Variants in ZNF736 observed in about 807,000 individuals in gnomAD.
ZNF736 encodes the protein KRAB-containing zinc-finger repressor protein.
Under a neutral mutation model 11.7 loss-of-function variants are expected in ZNF736, and 6 were observed. The ratio of observed to expected loss-of-function variants is 0.51; its 90% CI spans 0.28 to 1.01. The LOEUF (loss-of-function observed/expected upper bound fraction) is 1.01, where lower values mean the gene tolerates loss of function less well. ZNF736 is among the 50% of genes least tolerant of loss of function. The pLI, the probability that ZNF736 is intolerant of heterozygous loss-of-function variation, is 0.09. For synonymous variants in ZNF736, 139 were observed against 164.7 expected (o/e 0.84, Z 1.19); for missense variants, 444 against 496.0 (o/e 0.90, Z 1.00).
intron 1 of ZNF736, among the ~76,000 whole-genome samples, chr7:64,331,443 G>C (rs1275362000): frequency 2.0e-5 from 3 of 152,194 alleles, no homozygotes; most frequent in Non-Finnish European, 2.9e-5. Flanking sequence ...GAGGAGGGCT[G>C]CTGTTGGCAA....
intron 3 of ZNF736, among the ~76,000 whole-genome samples, chr7:64,344,321 A>G (rs1302388755): frequency 6.6e-6 from 1 of 152,226 alleles, no homozygotes; most frequent in African/African-American, 2.4e-5. Context: ...AAATTAAAAA[A>G]TGTATACTCT....
At chr7:64,342,138 A>G (rs1404678) in intron 3 of ZNF736, among the ~76,000 whole-genome samples, 46,971 of 152,032 alleles carry the variant, frequency 0.31, 7,415 homozygotes, top group African/African-American at 0.34. Context: ...CTGCTCTTCT[A>G]TTGCTTTGAG....
intron 1 of ZNF736, among the ~76,000 whole-genome samples, chr7:64,324,861 T>G (rs1789061791): frequency 6.6e-6 from 1 of 152,250 alleles, no homozygotes; most frequent in Non-Finnish European, 1.5e-5. Flanking sequence ...AAATTTAAGC[T>G]GTTTGATACT....
chr7:64,322,967 G>C (rs1440371570), intron 1 of ZNF736, among the ~76,000 whole-genome samples: 2 of 152,068 alleles, frequency 1.3e-5, no homozygotes, highest in Non-Finnish European at 2.9e-5. Flanking sequence ...TTCTTAGTAA[G>C]GCCTTTCTAG....
At chr7:64,339,392 T>A (rs1312412920) in intron 3 of ZNF736, among the ~76,000 whole-genome samples, 1 of 152,204 alleles carries the variant, frequency 6.6e-6, no homozygotes, top group Non-Finnish European at 1.5e-5. Flanking sequence ...TCATATGTTT[T>A]CTTTTAAGAT....
rs148219390 is a variant in ZNF736 at position 64,343,242 on chromosome 7, T to C, written c.227-4848T>C. On this transcript the variant is annotated intron_variant, in intron 3 of 3. Transcript: ENST00000423484. ...TGAAATACTACACAGCCAAAAAAAA[T>C]TGTGTTCTTTGTAGCAACACTGATG... 6.0e-4 allele frequency among the ~76,000 whole-genome samples: 91 copies of C among 152,274 alleles called. 1 individual carries two copies. In the East Asian group the frequency reaches 0.015, roughly 26 times the overall value.
At chr7:64,332,924 G>A (rs1387490326) in intron 1 of ZNF736, among the ~76,000 whole-genome samples, 2 of 152,062 alleles carry the variant, frequency 1.3e-5, no homozygotes, top group African/African-American at 4.8e-5. Context: ...AAAAATCACT[G>A]TTATTCTGTT....
chr7:64,346,090 A>G (rs1418096402), intron 3 of ZNF736, among the ~76,000 whole-genome samples: 1 of 152,022 alleles, frequency 6.6e-6, no homozygotes, highest in East Asian at 1.9e-4. Flanking sequence ...ATTGCTGTCT[A>G]TTTTTGCTTC....
Position 64,349,493 on chromosome 7 carries a change from A to G in ZNF736, c.*346A>G, listed in dbSNP as rs996539821. 2 of 182,910 alleles carry G rather than the reference A, an allele frequency of 1.1e-5. No homozygotes were observed. The highest frequency in any genetic ancestry group is 2.3e-3 in the Middle Eastern group (1 of 426). 11.3% of individuals were successfully genotyped at this position (182,910 alleles called of 1,614,324 possible). A position where few individuals can be genotyped will look rare whatever the true frequency, so the allele number is the denominator to read the frequency against. ...GAGATGGGTGTCTTGATTAAAGCAT[A>G]CCATTAGATCTTGATTCTTTTTTCA... On this transcript the variant is annotated 3_prime_UTR_variant, in exon 4 of 4. Transcript: ENST00000423484.
Position 64,355,145 on chromosome 7 carries a change from T to C in ZNF736, c.*5998T>C, listed in dbSNP as rs936279658. 6.4e-6 allele frequency: 1 copy of C among 157,092 alleles called. No homozygotes were observed. Among genetic ancestry groups the C allele is most frequent in the African/African-American group, 2.4e-5 (1 of 41,462 alleles). The allele number at this position is 157,092 out of a possible 1,614,324, so 9.7% of individuals were successfully genotyped here. A position where few individuals can be genotyped will look rare whatever the true frequency, so the allele number is the denominator to read the frequency against. ...AAAACTAAGTGAAAACCTTGTAAAA[T>C]TTTCAGATTATGTTTCTACATTTAA... On this transcript the variant is annotated 3_prime_UTR_variant, in exon 4 of 4. Transcript: ENST00000423484.
intron 3 of ZNF736, among the ~76,000 whole-genome samples, chr7:64,347,037 T>A (rs676535): frequency 0.98 from 146,831 of 150,552 alleles, 71,679 homozygotes; most frequent in Non-Finnish European, 1. Flanking sequence ...GATGTTTTGT[T>A]TATGTTGTAA....
intron 3 of ZNF736, among the ~76,000 whole-genome samples, chr7:64,342,201 T>C (rs1789346507): frequency 6.6e-6 from 1 of 152,112 alleles, no homozygotes; most frequent in African/African-American, 2.4e-5. Flanking sequence ...AATCTGTGCA[T>C]TATGTTAGAG....
rs12333410 is a variant in ZNF736 at position 64,329,309 on chromosome 7, A to G, written c.4-6950A>G. ...TCCTGAATAGTCTTAATTTTTGTGA[A>G]TGTTCATTGAAGTCTGGGCATTAAT... On this transcript the variant is annotated intron_variant, in intron 1 of 3. Coordinates refer to ENST00000423484, the MANE Select transcript of ZNF736 (RefSeq NM_001170905.3). Among the ~76,000 whole-genome samples, 1,082 of 152,218 alleles carry G rather than the reference A, an allele frequency of 7.1e-3. 17 individuals carry two copies. The highest frequency in any genetic ancestry group is 0.025 in the African/African-American group (1,034 of 41,556).
chr7:64,314,216 G>A, intron 1 of ZNF736, 63 bp downstream of exon 1: 1 of 1,543,506 alleles, frequency 6.5e-7, no homozygotes, highest in Non-Finnish European at 8.8e-7. Context: ...GGCCGGAACC[G>A]GCTGCGGTGG....
At position 64,314,037 on chromosome 7, in the gene ZNF736, ATC is replaced by A; in HGVS notation, c.-111_-110del. On this transcript the variant is annotated 5_prime_UTR_variant, in exon 1 of 4. The change creates a premature stop within an existing upstream ORF in the 5' untranslated region. Transcript: ENST00000423484. The stretch of plus-strand genomic sequence containing the variant: ...TCCTAGTTCGCGTCTCCACTGTTCC[ATC>A]TCCTCCGTTCCTGGAGTTCCTCGGT... 2 of 1,445,686 alleles carry A rather than the reference ATC, an allele frequency of 1.4e-6. No homozygotes were observed. The highest frequency in any genetic ancestry group is 1.9e-6 in the Non-Finnish European group (2 of 1,052,780). The allele number at this position is 1,445,686 out of a possible 1,614,324, so 89.6% of individuals were successfully genotyped here.
At chr7:64,330,466 G>GT (rs943163626) in intron 1 of ZNF736, among the ~76,000 whole-genome samples, 8 of 151,574 alleles carry the variant, frequency 5.3e-5, no homozygotes, top group South Asian at 2.1e-4. Flanking sequence ...TGGGAAGTGG[G>GT]TTTTTTTTCT....
At chr7:64,328,747 G>A (rs1036311318) in intron 1 of ZNF736, among the ~76,000 whole-genome samples, 13 of 152,062 alleles carry the variant, frequency 8.5e-5, no homozygotes, top group Non-Finnish European at 1.6e-4. Context: ...GGGCGACAGA[G>A]CGAGGCTCTG....
chr7:64,316,023 A>G (rs560921055), intron 1 of ZNF736, among the ~76,000 whole-genome samples: 187 of 152,280 alleles, frequency 1.2e-3, no homozygotes, highest in Non-Finnish European at 2.1e-3. Flanking sequence ...GCGCCTTCCC[A>G]GAATGTCTTT....
intron 3 of ZNF736, among the ~76,000 whole-genome samples, chr7:64,341,556 T>G (rs545587676): frequency 6.6e-6 from 1 of 152,320 alleles, no homozygotes; most frequent in African/African-American, 2.4e-5. Context: ...CTTAGATGAC[T>G]GTGGCATGGC....
Sources: gnomAD v4.1 joint callset for allele counts (sites outside exome capture counted in the v4.1 genomes callset) on GRCh38, gnomAD v4.1.1 for gene constraint, MANE v1.5 for transcripts, NCBI Gene and HGNC (gene_info 2026-07-23, HGNC 2026-07-21) for gene names.